Variants in DLG2 observed in about 807,000 individuals in gnomAD.
DLG2 encodes the protein disks large homolog 2.
In DLG2, 45 loss-of-function variants were observed where a neutral mutation model predicts 132.5. That is an observed-to-expected ratio of 0.34 (90% CI 0.27 to 0.44). DLG2 has a LOEUF of 0.44. DLG2 is among the 20% of genes least tolerant of loss of function. The pLI, the probability that DLG2 is intolerant of heterozygous loss-of-function variation, is 1.00. For missense variants in DLG2, 1,045 were observed against 1,196.9 expected (o/e 0.87, Z 1.87); for synonymous variants, 424 against 419.6 (o/e 1.01, Z -0.13).
intron 6 of DLG2, among the ~76,000 whole-genome samples, chr11:84,840,491 G>A (rs1162488183): frequency 1.3e-5 from 2 of 152,096 alleles, no homozygotes; most frequent in Non-Finnish European, 2.9e-5. Context: ...CCATTACTGG[G>A]TATATACCCA....
intron 16 of DLG2, among the ~76,000 whole-genome samples, chr11:83,862,949 C>A (rs75342986): frequency 6.6e-6 from 1 of 152,074 alleles, no homozygotes; most frequent in East Asian, 1.9e-4. Context: ...AGCAGCTACC[C>A]TGAAGGACTT....
chr11:85,304,474 T>G (rs767752833), intron 3 of DLG2, among the ~76,000 whole-genome samples: 10 of 152,014 alleles, frequency 6.6e-5, no homozygotes, highest in Non-Finnish European at 1.3e-4. Context: ...AAATTCAATA[T>G]TTTTGAAAAA....
intron 17 of DLG2, among the ~76,000 whole-genome samples, chr11:83,813,397 A>T (rs1480530231): frequency 6.7e-6 from 1 of 149,682 alleles, no homozygotes; most frequent in Non-Finnish European, 1.5e-5. Flanking sequence ...GAGATTTGAT[A>T]AAAAAATTCC....
At chr11:84,916,499 A>G (rs1029356635) in intron 6 of DLG2, among the ~76,000 whole-genome samples, 1 of 152,130 alleles carries the variant, frequency 6.6e-6, no homozygotes, top group Non-Finnish European at 1.5e-5. Context: ...GAAAAAGACA[A>G]GAAGATAGAT....
At chr11:84,357,305 C>A (rs1307014009) in intron 7 of DLG2, among the ~76,000 whole-genome samples, 1 of 151,984 alleles carries the variant, frequency 6.6e-6, no homozygotes, top group Non-Finnish European at 1.5e-5. Flanking sequence ...TTACAGAAAA[C>A]ACCATGAGCC....
At chr11:83,790,684 T>A in intron 17 of DLG2, 1 of 863,388 alleles carries the variant, frequency 1.2e-6, no homozygotes, top group Non-Finnish European at 2.0e-6. Context: ...ACTCTGGGGC[T>A]CTGCAACATG....
intron 6 of DLG2, among the ~76,000 whole-genome samples, chr11:84,690,724 A>G (rs968107072): frequency 1.3e-5 from 2 of 151,830 alleles, no homozygotes; most frequent in African/African-American, 4.8e-5. Context: ...TCATCACAAC[A>G]ATATTCATTT....
At chr11:84,330,580 T>A (rs1438400706) in intron 7 of DLG2, among the ~76,000 whole-genome samples, 1 of 152,188 alleles carries the variant, frequency 6.6e-6, no homozygotes, top group African/African-American at 2.4e-5. Context: ...ACATCTCATT[T>A]TTGTGTAAGA....
chr11:84,465,136 A>G (rs969314700), intron 7 of DLG2, among the ~76,000 whole-genome samples: 2 of 151,228 alleles, frequency 1.3e-5, no homozygotes, highest in African/African-American at 4.8e-5. Flanking sequence ...TCATGGCTCC[A>G]CAGCAGGACA....
chr11:83,486,963 CT>C (rs2093554611), intron 21 of DLG2, among the ~76,000 whole-genome samples: 1 of 147,104 alleles, frequency 6.8e-6, no homozygotes, highest in Admixed American at 6.8e-5. Flanking sequence ...ATTATATAAG[CT>C]TTTTTGCTGC....
intron 7 of DLG2, among the ~76,000 whole-genome samples, chr11:84,333,946 CAT>C (rs2098472376): frequency 6.6e-6 from 1 of 152,152 alleles, no homozygotes. Context: ...ACGTGAGTGT[CAT>C]GTGTCAGAGG....
intron 7 of DLG2, among the ~76,000 whole-genome samples, chr11:84,419,156 TAGGGAGAC>T (rs2098939963): frequency 6.7e-6 from 1 of 148,874 alleles, no homozygotes; most frequent in South Asian, 2.1e-4. Context: ...AGGGGAGGAA[TAGGGAGAC>T]AGGCAGAGAG....
intron 6 of DLG2, among the ~76,000 whole-genome samples, chr11:85,098,609 T>G (rs1481367990): frequency 2.0e-5 from 3 of 152,208 alleles, no homozygotes; most frequent in Admixed American, 2.0e-4. Context: ...CCAAATCCAT[T>G]GCAGAAACAA....
intron 16 of DLG2, among the ~76,000 whole-genome samples, chr11:83,870,355 T>C (rs1313986672): frequency 1.3e-5 from 2 of 152,220 alleles, no homozygotes; most frequent in African/African-American, 4.8e-5. Context: ...TAAGTGAGAA[T>C]ATGTGGCATT....
At chr11:84,198,127 A>C (rs911358355) in intron 8 of DLG2, among the ~76,000 whole-genome samples, 1 of 152,092 alleles carries the variant, frequency 6.6e-6, no homozygotes, top group Non-Finnish European at 1.5e-5. Flanking sequence ...TTGAAAACTA[A>C]TTTAAGCTTC....
At chr11:83,910,894 C>G (rs76657270) in intron 15 of DLG2, among the ~76,000 whole-genome samples, 10,988 of 151,902 alleles carry the variant, frequency 0.072, 563 homozygotes, top group Non-Finnish European at 0.11. Flanking sequence ...ATGGGGATAC[C>G]AACAAATTGA....
At chr11:85,081,312 G>A (rs1432979196) in intron 6 of DLG2, among the ~76,000 whole-genome samples, 1 of 152,134 alleles carries the variant, frequency 6.6e-6, no homozygotes, top group East Asian at 1.9e-4. Flanking sequence ...GTGAGTCTTA[G>A]CAACAGCATG....
At chr11:84,182,086 A>C (rs187752222) in intron 8 of DLG2, among the ~76,000 whole-genome samples, 1 of 152,282 alleles carries the variant, frequency 6.6e-6, no homozygotes, top group African/African-American at 2.4e-5. Flanking sequence ...ATTCTTCTCA[A>C]ACTTACATGA....
intron 7 of DLG2, among the ~76,000 whole-genome samples, chr11:84,253,038 A>G (rs2154352104): frequency 6.6e-6 from 1 of 152,340 alleles, no homozygotes; most frequent in East Asian, 1.9e-4. Context: ...CTGGGCATGG[A>G]AAACATAACC....
Sources: gnomAD v4.1 joint callset for allele counts (sites outside exome capture counted in the v4.1 genomes callset) on GRCh38, gnomAD v4.1.1 for gene constraint, MANE v1.5 for transcripts, NCBI Gene and HGNC (gene_info 2026-07-23, HGNC 2026-07-21) for gene names.